RFC3: variants seen among roughly 807,000 people sequenced by gnomAD.
RFC3 encodes replication factor C subunit 3, also known as A1 38 kDa subunit.
In RFC3, 41 loss-of-function variants were observed where a neutral mutation model predicts 45.1. That is an observed-to-expected ratio of 0.91 (90% confidence interval 0.71 to 1.18). The LOEUF is 1.18. Among genes scored for constraint, RFC3 ranks in the 50% most tolerant of loss-of-function variants. RFC3 has a pLI of 0.00. For missense variants in RFC3, 423 were observed against 428.1 expected (o/e 0.99, Z 0.10); for synonymous variants, 149 against 144.0 (o/e 1.03, Z -0.25).
intron 7 of RFC3, among the ~76,000 whole-genome samples, chr13:33,832,221 G>A (rs2082111691): frequency 6.6e-6 from 1 of 152,256 alleles, no homozygotes; most frequent in Admixed American, 6.5e-5. Context: ...CTAAAGCACA[G>A]TCTCATATCC....
intron 8 of RFC3, 92 bp downstream of exon 8, chr13:33,835,309 A>G: frequency 1.2e-6 from 1 of 804,906 alleles, no homozygotes; most frequent in Admixed American, 1.7e-5. Context: ...TCAAGATATC[A>G]CCTCTTTCTC....
chr13:33,897,766 T>A (rs1319329845), intron 8 of RFC3, among the ~76,000 whole-genome samples: 1 of 152,022 alleles, frequency 6.6e-6, no homozygotes, highest in African/African-American at 2.4e-5. Context: ...CAGAAGTATC[T>A]ATAATATATC....
intron 8 of RFC3, among the ~76,000 whole-genome samples, chr13:33,919,574 G>A (rs995350040): frequency 2.0e-5 from 3 of 152,020 alleles, no homozygotes; most frequent in African/African-American, 7.2e-5. Flanking sequence ...AAACCAGTTG[G>A]CTTGTTTTTT....
intron 1 of RFC3, among the ~76,000 whole-genome samples, chr13:33,818,644 C>T (rs1009908764): frequency 2.0e-5 from 3 of 152,130 alleles, no homozygotes; most frequent in Non-Finnish European, 4.4e-5. Context: ...GAAGGGTAAT[C>T]GGAGATGGGT....
chr13:33,946,220 A>G (rs918530679), intron 8 of RFC3, among the ~76,000 whole-genome samples: 1 of 152,188 alleles, frequency 6.6e-6, no homozygotes, highest in Admixed American at 6.5e-5. Context: ...GACTTATTAC[A>G]GCACTGTTTT....
intron 8 of RFC3, among the ~76,000 whole-genome samples, chr13:33,948,937 G>C (rs1327611484): frequency 2.0e-5 from 3 of 152,192 alleles, no homozygotes; most frequent in African/African-American, 7.2e-5. Context: ...TGTTGTCTCA[G>C]ATAAGACTTT....
At chr13:33,923,149 C>G (rs187028339) in intron 8 of RFC3, among the ~76,000 whole-genome samples, 1 of 152,002 alleles carries the variant, frequency 6.6e-6, no homozygotes. Context: ...AATAATAACC[C>G]TTGATGTGTA....
downstream of RFC3, among the ~76,000 whole-genome samples, chr13:33,841,271 T>C (rs2082196376): frequency 6.6e-6 from 1 of 152,200 alleles, no homozygotes; most frequent in Non-Finnish European, 1.5e-5. Flanking sequence ...TCCCTGGTGC[T>C]AAAAAGGTTG....
intron 2 of RFC3, among the ~76,000 whole-genome samples, chr13:33,822,042 A>T (rs2082008303): frequency 6.6e-6 from 1 of 152,220 alleles, no homozygotes. Flanking sequence ...GCATTGAAAA[A>T]ATCATATGCT....
chr13:33,923,121 GTT>G (rs2082780192), intron 8 of RFC3, among the ~76,000 whole-genome samples: 1 of 152,112 alleles, frequency 6.6e-6, no homozygotes, highest in Non-Finnish European at 1.5e-5. Flanking sequence ...GAAAATGACA[GTT>G]TTTAAAGAAC....
At chr13:33,888,429 A>G (rs969917672) in intron 8 of RFC3, among the ~76,000 whole-genome samples, 5 of 152,146 alleles carry the variant, frequency 3.3e-5, no homozygotes, top group Admixed American at 2.0e-4. Flanking sequence ...TATTGTTATA[A>G]AGATTGTAAT....
At chr13:33,855,589 A>G (rs768609248) in intron 8 of RFC3, among the ~76,000 whole-genome samples, 2 of 152,208 alleles carry the variant, frequency 1.3e-5, no homozygotes, top group Non-Finnish European at 2.9e-5. Flanking sequence ...TTACCCTCCC[A>G]CCAGCAGTGT....
intron 8 of RFC3, among the ~76,000 whole-genome samples, chr13:33,889,482 A>C (rs1458114160): frequency 6.6e-6 from 1 of 152,230 alleles, no homozygotes; most frequent in Non-Finnish European, 1.5e-5. Flanking sequence ...GTGTAAATGC[A>C]TGTATGCATT....
intron 4 of RFC3, 81 bp downstream of exon 4, chr13:33,825,967 G>A: frequency 1.3e-6 from 1 of 771,200 alleles, no homozygotes; most frequent in Non-Finnish European, 2.1e-6. Context: ...AAAGTGAACA[G>A]GAGAGAAGCC....
intron 8 of RFC3, among the ~76,000 whole-genome samples, chr13:33,868,641 C>G (rs2137558174): frequency 6.6e-6 from 1 of 152,302 alleles, no homozygotes; most frequent in South Asian, 2.1e-4. Flanking sequence ...TGGGAAACCT[C>G]TAAAGGATAT....
chr13:33,922,619 G>T (rs1428580874), intron 8 of RFC3, among the ~76,000 whole-genome samples: 2 of 152,070 alleles, frequency 1.3e-5, no homozygotes, highest in Non-Finnish European at 2.9e-5. Context: ...AAAAAGTCTT[G>T]CCATAAAACC....
chr13:33,912,378 A>G (rs566759198), intron 8 of RFC3, among the ~76,000 whole-genome samples: 5 of 152,174 alleles, frequency 3.3e-5, no homozygotes, highest in African/African-American at 7.2e-5. Context: ...AATGCAATAA[A>G]TGTCCTAAGA....
downstream of RFC3, among the ~76,000 whole-genome samples, chr13:33,841,175 G>A (rs1035777393): frequency 1.3e-5 from 2 of 152,192 alleles, no homozygotes; most frequent in Non-Finnish European, 2.9e-5. Context: ...AATGCCTGAT[G>A]ATCTGAGATG....
At chr13:33,940,646 G>A (rs947265168) in intron 8 of RFC3, among the ~76,000 whole-genome samples, 1 of 152,010 alleles carries the variant, frequency 6.6e-6, no homozygotes, top group African/African-American at 2.4e-5. Context: ...CTATTACCTT[G>A]TCTGTCATAT....
Sources: gnomAD v4.1 joint callset for allele counts (sites outside exome capture counted in the v4.1 genomes callset) on GRCh38, gnomAD v4.1.1 for gene constraint, MANE v1.5 for transcripts, NCBI Gene and HGNC (gene_info 2026-07-23, HGNC 2026-07-21) for gene names.